Variants in SARNP observed in about 807,000 individuals in gnomAD.
The protein encoded by SARNP is SAP domain containing ribonucleoprotein.
In SARNP, 5 loss-of-function variants were observed where a neutral mutation model predicts 38.1. The observed-to-expected ratio is 0.13, with a 90% confidence interval of 0.07 to 0.28. The LOEUF is 0.28. Among genes scored for constraint, SARNP ranks in the 10% least tolerant of loss-of-function variants. The pLI, the probability that SARNP is intolerant of heterozygous loss-of-function variation, is 1.00. For missense variants in SARNP, 180 were observed against 243.9 expected (o/e 0.74, Z 1.75); for synonymous variants, 84 against 80.6 (o/e 1.04, Z -0.23).
intron 5 of SARNP, 125 bp downstream of exon 5, chr12:55,795,900 C>T (rs1592574969): frequency 3.0e-6 from 2 of 676,188 alleles, no homozygotes; most frequent in East Asian, 5.5e-5. Context: ...AACGTATCAA[C>T]ACCAAAATCT....
chr12:55,755,527 A>G (rs564175254), downstream of SARNP: 1 of 152,334 alleles, frequency 6.6e-6, no homozygotes, highest in South Asian at 2.1e-4. Flanking sequence ...TGGATCAACT[A>G]TAGTAGGGAA....
intron 1 of SARNP, among the ~76,000 whole-genome samples, chr12:55,812,868 G>A (rs1421939700): frequency 2.6e-5 from 4 of 152,152 alleles, no homozygotes; most frequent in African/African-American, 9.7e-5. Flanking sequence ...AAATAATCAT[G>A]AGCAAAACAT....
intron 9 of SARNP, among the ~76,000 whole-genome samples, chr12:55,769,110 T>C (rs1248095667): frequency 6.6e-6 from 1 of 152,250 alleles, no homozygotes; most frequent in African/African-American, 2.4e-5. Flanking sequence ...CAATAAAAGA[T>C]ATCTATTTAA....
chr12:55,789,044 A>G (rs758885299), intron 9 of SARNP, 31 bp downstream of exon 9: 1 of 1,491,936 alleles, frequency 6.7e-7, no homozygotes, highest in Non-Finnish European at 9.3e-7. Flanking sequence ...CTAATGTCAC[A>G]AAAACATTAC....
chr12:55,773,575 T>A (rs1246299747), intron 9 of SARNP, among the ~76,000 whole-genome samples: 11 of 152,006 alleles, frequency 7.2e-5, no homozygotes, highest in Admixed American at 4.6e-4. Flanking sequence ...CAAAACAAGA[T>A]CAGGGCACAC....
intron 9 of SARNP, among the ~76,000 whole-genome samples, chr12:55,768,715 A>G (rs1878920398): frequency 6.6e-6 from 1 of 151,678 alleles, no homozygotes; most frequent in African/African-American, 2.4e-5. Context: ...GGCGTGAGCT[A>G]CCATGTCCAG....
Position 55,776,394 on chromosome 12 carries a change from C to T in SARNP, c.501+12681G>A, listed in dbSNP as rs534976533. Among the ~76,000 whole-genome samples the T allele has an allele frequency of 3.3e-5, 5 of 152,090 alleles. No homozygotes were observed. In the East Asian group the frequency reaches 7.7e-4, roughly 23 times the overall value. On this transcript the variant is annotated intron_variant, in intron 9 of 10. Transcript: ENST00000336133. ...CTGCAGTGAGCCATGATCTGGGACA[C>T]GGCACTCTATAAGTGAGACCACATC...
intron 1 of SARNP, among the ~76,000 whole-genome samples, chr12:55,806,955 T>G (rs2136205082): frequency 6.6e-6 from 1 of 152,292 alleles, no homozygotes; most frequent in South Asian, 2.1e-4. Flanking sequence ...ATCAATGCAT[T>G]TTTTATTTTA....
chr12:55,758,151 G>A (rs1188269611), intron 10 of SARNP, among the ~76,000 whole-genome samples: 2 of 152,094 alleles, frequency 1.3e-5, no homozygotes, highest in Non-Finnish European at 2.9e-5. Context: ...CACTGGAGAG[G>A]ACACAAAATG....
At chr12:55,757,667 T>G in intron 10 of SARNP, 114 bp from the exon 11 acceptor site, 15 of 662,562 alleles carry the variant, frequency 2.3e-5, no homozygotes, top group South Asian at 4.0e-5. Context: ...GAAGGAAGGA[T>G]GGCCCAGACT....
At chr12:55,754,507 C>G (rs1081732), downstream of SARNP, 43,576 of 152,126 alleles carry the variant, frequency 0.29, 12,848 homozygotes, top group African/African-American at 0.75. Context: ...GTGAGCTGGG[C>G]TTGAGGGAGT....
chr12:55,804,409 C>T (rs1212409761), intron 1 of SARNP, among the ~76,000 whole-genome samples: 3 of 143,250 alleles, frequency 2.1e-5, no homozygotes, highest in South Asian at 2.1e-4. Flanking sequence ...AAATGCAACA[C>T]GGAAACAGAA....
chr12:55,773,023 T>C (rs1295075077), intron 9 of SARNP, among the ~76,000 whole-genome samples: 1 of 152,196 alleles, frequency 6.6e-6, no homozygotes, highest in Non-Finnish European at 1.5e-5. Context: ...CCTGGGAAGC[T>C]GAAACTTTTC....
chr12:55,805,155 G>A lies in SARNP; in HGVS notation c.37-1427C>T, dbSNP rs989337783. On this transcript the variant is annotated intron_variant, in intron 1 of 10. Transcript: ENST00000336133. The stretch of plus-strand genomic sequence containing the variant: ...CAGGCGCCTGTAGTCCCAGCTACTC[G>A]GGAGGCTGAGGCAGAAGAATGGCGT... 1.3e-3 allele frequency among the ~76,000 whole-genome samples: 202 copies of A among 152,242 alleles called. 2 individuals carry two copies. The highest frequency in any genetic ancestry group is 5.9e-4 in the Admixed American group (9 of 15,278).
Position 55,790,355 on chromosome 12 carries a change from A to G in SARNP, c.432+212T>C, listed in dbSNP as rs978602145. On this transcript the variant is annotated intron_variant, in intron 8 of 10. Coordinates refer to ENST00000336133, the MANE Select transcript of SARNP (RefSeq NM_033082.4). Reference sequence around the variant, plus strand: ...ACTTTCAAAAAGAGTGGTAGGAAGGAAGACGTCTGCAGTAATTGAACATGT... The same window carrying G: ...ACTTTCAAAAAGAGTGGTAGGAAGGGAGACGTCTGCAGTAATTGAACATGT... 2.0e-5 allele frequency among the ~76,000 whole-genome samples: 3 copies of G among 152,210 alleles called. No homozygotes were observed. The East Asian group carries it at 5.8e-4, about 29-fold the overall frequency.
chr12:55,789,239 G>A, intron 8 of SARNP, 96 bp from the exon 9 acceptor site: 1 of 809,948 alleles, frequency 1.2e-6, no homozygotes, highest in South Asian at 1.7e-5. Flanking sequence ...GTTCAAATAA[G>A]CCTATAACAT....
chr12:55,776,958 C>A (rs866133955), intron 9 of SARNP, among the ~76,000 whole-genome samples: 1 of 152,176 alleles, frequency 6.6e-6, no homozygotes, highest in South Asian at 2.1e-4. Context: ...ACTCTTCTCC[C>A]TTTCAGGCTG....
In SARNP at chr12:55,757,527, G is replaced by A; in HGVS notation, c.618C>T (p.Arg206=). Residue 206 remains arginine, a synonymous_variant, in exon 11 of 11, where the codon CGC becomes CGT. Transcript: ENST00000336133. ...GAACTTTTCATCAGGCAATCCCAAA[G>A]CGCTCTGCTCTTTTCCTCTTCTTTG... ...TEAKKRKRAE[R]FGIA is the part of the protein sequence containing the mutation. The A allele has an allele frequency of 6.2e-7, 1 of 1,609,246 alleles. No individual in the cohort carries two copies.
At position 55,760,539 on chromosome 12, in the gene SARNP, G is replaced by C. The variant is rs1214598509; in HGVS notation, c.591+12C>G. On this transcript the variant is annotated intron_variant, in intron 10 of 10. Coordinates refer to ENST00000336133, the MANE Select transcript of SARNP (RefSeq NM_033082.4). ...CTTCAAGGTCTATGAAGCGTTCCAG[G>C]TATATTTTTACCTCTGTATCCTCTG... 6.6e-7 allele frequency: 1 copy of C among 1,509,152 alleles called. No individual in the cohort carries two copies. The highest frequency in any genetic ancestry group is 9.2e-7 in the Non-Finnish European group (1 of 1,084,114). 93.5% of individuals were successfully genotyped at this position (1,509,152 alleles called of 1,614,324 possible).
Sources: allele counts gnomAD v4.1 joint callset (sites outside exome capture counted in the v4.1 genomes callset), GRCh38; gene constraint gnomAD v4.1.1; transcripts MANE v1.5; gene names NCBI Gene and HGNC (gene_info 2026-07-23, HGNC 2026-07-21).